CLDN10: variants seen among roughly 807,000 people sequenced by gnomAD.
CLDN10 encodes the protein claudin-10.
Under a neutral mutation model 22.9 loss-of-function variants are expected in CLDN10, and 15 were observed. The observed-to-expected ratio is 0.65, with a 90% CI of 0.44 to 1.01. The LOEUF (loss-of-function observed/expected upper bound fraction) is 1.01. CLDN10 is among the 50% of genes least tolerant of loss of function. The probability of loss-of-function intolerance (pLI) is 0.00; values close to 1 mark genes in which losing one functional copy is unlikely to be tolerated. For missense variants in CLDN10, 247 were observed against 287.8 expected, an observed-to-expected ratio of 0.86 and a Z score of 1.03; for synonymous variants, 114 against 111.4, an observed-to-expected ratio of 1.02 and a Z score of -0.15.
At chr13:95,463,733 G>T (rs1284286037) in intron 1 of CLDN10, among the ~76,000 whole-genome samples, 1 of 152,044 alleles carries the variant, frequency 6.6e-6, no homozygotes, top group Admixed American at 6.6e-5. Flanking sequence ...TTCACTCTCT[G>T]CCTCCACATG....
At chr13:95,466,035 A>G (rs985836785) in intron 1 of CLDN10, among the ~76,000 whole-genome samples, 1 of 151,770 alleles carries the variant, frequency 6.6e-6, no homozygotes, top group Non-Finnish European at 1.5e-5. Context: ...GTTTATGTTT[A>G]TTTATTTATT....
chr13:95,569,172 T>C (rs367562750), intron 3 of CLDN10, among the ~76,000 whole-genome samples: 2 of 152,188 alleles, frequency 1.3e-5, no homozygotes, highest in East Asian at 3.9e-4. Context: ...ATGTAATCTA[T>C]TAAGGTTAGC....
chr13:95,561,772 T>TC (rs1417042570), intron 3 of CLDN10, among the ~76,000 whole-genome samples: 1 of 151,704 alleles, frequency 6.6e-6, no homozygotes, highest in Admixed American at 6.6e-5. Context: ...TCCTTTTTTT[T>TC]TTTTTTTTTA....
intron 1 of CLDN10, among the ~76,000 whole-genome samples, chr13:95,494,626 GTACAATTGATTGCTGTGT>G (rs2042908929): frequency 1.3e-5 from 2 of 152,152 alleles, no homozygotes; most frequent in South Asian, 4.1e-4. Context: ...GAATCTACTT[GTACAATTGATTGCTGTGT>G]TAAATGCCCG....
chr13:95,552,361 TG>T (rs2138641200), upstream of CLDN10, among the ~76,000 whole-genome samples: 1 of 94,820 alleles, frequency 1.1e-5, no homozygotes, highest in East Asian at 3.4e-4. Context: ...CTATTTGCCT[TG>T]GGTAGGGCTG....
At chr13:95,484,093 T>C (rs2138501536) in intron 1 of CLDN10, among the ~76,000 whole-genome samples, 1 of 152,278 alleles carries the variant, frequency 6.6e-6, no homozygotes, top group Non-Finnish European at 1.5e-5. Flanking sequence ...GCCTCTAGAA[T>C]TGTGAGAAAT....
At chr13:95,439,533 TG>T (rs1189934119) in intron 1 of CLDN10, among the ~76,000 whole-genome samples, 1 of 152,038 alleles carries the variant, frequency 6.6e-6, no homozygotes, top group Non-Finnish European at 1.5e-5. Flanking sequence ...AGAGTTTTGC[TG>T]GGTTGTCCAG....
chr13:95,579,210 A>G lies in CLDN10; in HGVS notation c.*1196A>G, dbSNP rs1046890609. 5.9e-5 allele frequency: 9 copies of G among 152,182 alleles called. No homozygotes were observed. Among genetic ancestry groups the G allele is most frequent in the African/African-American group, 2.2e-4 (9 of 41,434 alleles). 9.4% of individuals were successfully genotyped at this position (152,182 alleles called of 1,614,324 possible). On this transcript the variant is annotated 3_prime_UTR_variant, in exon 5 of 5. Coordinates refer to ENST00000299339, the MANE Select transcript of CLDN10 (RefSeq NM_006984.5). ...ACTCAGAACTGACGGGCCGAGTTCT[A>G]TCTAGGTGTGTCTTCCAGAACCTGT... is the stretch of plus-strand genomic sequence containing the variant.
intron 1 of CLDN10, among the ~76,000 whole-genome samples, chr13:95,515,025 TG>T (rs1287717900): frequency 6.6e-6 from 1 of 152,196 alleles, no homozygotes; most frequent in Non-Finnish European, 1.5e-5. Flanking sequence ...GATGGGGTCT[TG>T]CTATGTTGAC....
chr13:95,493,045 G>A (rs908616434), intron 1 of CLDN10, among the ~76,000 whole-genome samples: 11 of 152,136 alleles, frequency 7.2e-5, no homozygotes, highest in African/African-American at 2.7e-4. Context: ...TCCTGCAGGG[G>A]CAGTCCGCTT....
intron 3 of CLDN10, among the ~76,000 whole-genome samples, chr13:95,571,885 G>T (rs2043866617): frequency 6.6e-6 from 1 of 152,066 alleles, no homozygotes; most frequent in Admixed American, 6.5e-5. Context: ...ATGCATTTTG[G>T]CTGTTACTAC....
intron 1 of CLDN10, among the ~76,000 whole-genome samples, chr13:95,547,555 A>G (rs1045866110): frequency 1.3e-5 from 2 of 152,194 alleles, no homozygotes; most frequent in Admixed American, 6.5e-5. Context: ...CTTCATATAC[A>G]TTGTCTCTAT....
At chr13:95,481,958 G>C (rs1044523732) in intron 1 of CLDN10, among the ~76,000 whole-genome samples, 1 of 152,188 alleles carries the variant, frequency 6.6e-6, no homozygotes, top group Non-Finnish European at 1.5e-5. Flanking sequence ...GGCGGAGGTT[G>C]CAATGAGCAA....
At chr13:95,539,247 A>G (rs2043435151) in intron 1 of CLDN10, among the ~76,000 whole-genome samples, 1 of 152,242 alleles carries the variant, frequency 6.6e-6, no homozygotes, top group South Asian at 2.1e-4. Flanking sequence ...ATGTTTGAGG[A>G]TAGCAATGTA....
At chr13:95,460,842 CT>C (rs1387367377) in intron 1 of CLDN10, among the ~76,000 whole-genome samples, 1 of 151,994 alleles carries the variant, frequency 6.6e-6, no homozygotes, top group Non-Finnish European at 1.5e-5. Context: ...GGTGCGGTGG[CT>C]CACACCTGTA....
chr13:95,506,082 T>C (rs1326954588), intron 1 of CLDN10, among the ~76,000 whole-genome samples: 1 of 152,138 alleles, frequency 6.6e-6, no homozygotes, highest in Non-Finnish European at 1.5e-5. Context: ...CTTGATAGGG[T>C]AGGGTTAGGG....
rs542876527 is a variant in CLDN10 at position 95,443,793 on chromosome 13, G to A, written c.214+9746G>A. 1.2e-4 allele frequency among the ~76,000 whole-genome samples: 18 copies of A among 152,300 alleles called. 1 individual carries two copies. Among genetic ancestry groups the A allele is most frequent in the Middle Eastern group, 6.8e-3 (2 of 294 alleles). On this transcript the variant is annotated intron_variant, in intron 1 of 4. Transcript: ENST00000376873. ...TCTTTGGGCTGGTTGGTTTGCTTAT[G>A]AAAGATGTGCTTGTGGGGGGTCATT...
At chr13:95,561,457 A>C (rs947493915) in intron 3 of CLDN10, among the ~76,000 whole-genome samples, 1 of 152,228 alleles carries the variant, frequency 6.6e-6, no homozygotes, top group Non-Finnish European at 1.5e-5. Flanking sequence ...GCGCATGTTG[A>C]GTCCCCACCA....
At chr13:95,512,510 G>A (rs1422725042) in intron 1 of CLDN10, among the ~76,000 whole-genome samples, 1 of 152,152 alleles carries the variant, frequency 6.6e-6, no homozygotes, top group East Asian at 1.9e-4. Flanking sequence ...GAGAATAGGG[G>A]GATAGCGAGT....
Sources: gnomAD v4.1 joint callset for allele counts (sites outside exome capture counted in the v4.1 genomes callset) on GRCh38, gnomAD v4.1.1 for gene constraint, MANE v1.5 for transcripts, NCBI Gene and HGNC (gene_info 2026-07-23, HGNC 2026-07-21) for gene names.